PCGF6: variants seen among roughly 807,000 people sequenced by gnomAD.
PCGF6 encodes polycomb group ring finger 6, also known as polycomb group RING finger protein 6.
A neutral mutation model predicts 45.5 loss-of-function variants in PCGF6; 24 were observed. The observed-to-expected ratio is 0.53, with a 90% CI of 0.38 to 0.74. PCGF6 has a LOEUF of 0.74. PCGF6 is among the 30% of genes least tolerant of loss of function. PCGF6 has a pLI of 0.00. For synonymous variants in PCGF6, 152 were observed against 162.1 expected (o/e 0.94, Z 0.47); for missense variants, 356 against 443.2 (o/e 0.80, Z 1.77).
chr10:103,349,737 T>C (rs2093314079), intron 1 of PCGF6, among the ~76,000 whole-genome samples: 1 of 149,572 alleles, frequency 6.7e-6, no homozygotes, highest in African/African-American at 2.4e-5. Flanking sequence ...CCTCCCAAAG[T>C]GCGGGGATTA....
intron 8 of PCGF6, among the ~76,000 whole-genome samples, chr10:103,315,314 T>C (rs117848719): frequency 0.025 from 3,784 of 152,218 alleles, 62 homozygotes; most frequent in Admixed American, 0.044. Flanking sequence ...GCAACCCAAG[T>C]AGCTGGGACT....
intron 8 of PCGF6, among the ~76,000 whole-genome samples, chr10:103,324,420 T>A (rs1449863281): frequency 6.6e-6 from 1 of 151,868 alleles, no homozygotes; most frequent in Admixed American, 6.6e-5. Flanking sequence ...TTTACTTTTA[T>A]GTTCAATGAT....
chr10:103,340,363 T>C (rs980708686), intron 6 of PCGF6, among the ~76,000 whole-genome samples: 1 of 151,878 alleles, frequency 6.6e-6, no homozygotes, highest in African/African-American at 2.4e-5. Context: ...GCATTAATAA[T>C]GTAACAACTT....
intron 6 of PCGF6, among the ~76,000 whole-genome samples, chr10:103,339,113 C>T (rs536002928): frequency 2.6e-5 from 4 of 151,834 alleles, no homozygotes; most frequent in East Asian, 3.9e-4. Context: ...AACATAAATG[C>T]TTTTCTATGT....
chr10:103,305,813 C>T (rs920878142), intron 9 of PCGF6, among the ~76,000 whole-genome samples: 6 of 151,274 alleles, frequency 4.0e-5, no homozygotes, highest in East Asian at 1.9e-4. Context: ...TTTGAGAGTC[C>T]GAGGTGGGCA....
intron 1 of PCGF6, 128 bp from the exon 2 acceptor site, chr10:103,349,127 A>G: frequency 1.4e-6 from 1 of 717,296 alleles, no homozygotes; most frequent in South Asian, 1.9e-5. Flanking sequence ...GGTTCACTGC[A>G]ACCTCCGCCT....
Position 103,345,106 on chromosome 10 carries a change from T to C in PCGF6, c.700A>G (p.Lys234Glu). ...PAVPQPVPSS[K>E]GRSKKVLESV... The stretch of plus-strand genomic sequence containing the variant: ...TCTAGGACTTTTTTAGATCTTCCTT[T>C]GCTTGAAGGGACTGGCTGTGGAACA... Residue 234 changes from lysine to glutamate, a missense_variant, in exon 6 of 10, where the codon AAA (lysine) becomes GAA (glutamate). Lys to Glu is a moderately conservative substitution (Grantham distance 56). Around this residue, in one of 2 missense-constraint regions of PCGF6, gnomAD observed 307 missense variants for 350.1 expected, o/e 0.88. Transcript: ENST00000369847. 2 of 1,612,702 alleles carry C rather than the reference T, an allele frequency of 1.2e-6. No homozygotes were observed. The highest frequency in any genetic ancestry group is 1.7e-6 in the Non-Finnish European group (2 of 1,179,194).
At chr10:103,305,944 C>T (rs1255691926) in intron 9 of PCGF6, among the ~76,000 whole-genome samples, 2 of 151,748 alleles carry the variant, frequency 1.3e-5, no homozygotes, top group Non-Finnish European at 2.9e-5. Context: ...GTAAAGAATG[C>T]CCCAGGGCAG....
At chr10:103,340,198 A>AATATATATAT (rs1191965991) in intron 6 of PCGF6, among the ~76,000 whole-genome samples, 13 of 87,904 alleles carry the variant, frequency 1.5e-4, no homozygotes, top group African/African-American at 5.8e-4. Flanking sequence ...AAAAAAAAAA[A>AATATATATAT]ATATATATAT....
At chr10:103,335,096 C>G (rs2093251906) in intron 6 of PCGF6, among the ~76,000 whole-genome samples, 1 of 152,004 alleles carries the variant, frequency 6.6e-6, no homozygotes, top group Admixed American at 6.6e-5. Context: ...CTTGCTCTAT[C>G]ACCCAGGCAG....
chr10:103,304,329 T>C (rs545593511), intron 9 of PCGF6, among the ~76,000 whole-genome samples: 3 of 152,148 alleles, frequency 2.0e-5, no homozygotes, highest in Admixed American at 6.6e-5. Flanking sequence ...ATCATATGCA[T>C]GTATGTATGT....
intron 3 of PCGF6, chr10:103,348,223 C>T (rs1411663163): frequency 6.6e-6 from 1 of 152,644 alleles, no homozygotes; most frequent in East Asian, 1.9e-4. Context: ...AGGCCTGTGC[C>T]TCTTTTAAGT....
At chr10:103,343,085 C>T (rs1334723550) in intron 6 of PCGF6, among the ~76,000 whole-genome samples, 4 of 152,166 alleles carry the variant, frequency 2.6e-5, no homozygotes, top group South Asian at 4.2e-4. Flanking sequence ...CCTACCACCA[C>T]GACCAGCTAA....
At chr10:103,311,426 G>A (rs1397459953) in intron 9 of PCGF6, among the ~76,000 whole-genome samples, 1 of 151,024 alleles carries the variant, frequency 6.6e-6, no homozygotes, top group African/African-American at 2.4e-5. Flanking sequence ...ACAGGTGTGA[G>A]CCACTGTGCC....
chr10:103,340,221 ATT>A (rs1592074236), intron 6 of PCGF6, among the ~76,000 whole-genome samples: 1 of 137,322 alleles, frequency 7.3e-6, no homozygotes, highest in African/African-American at 2.7e-5. Context: ...ATATATATAT[ATT>A]TTATATACAT....
At chr10:103,339,810 AACACACACACACACACAC>A (rs201660003) in intron 6 of PCGF6, among the ~76,000 whole-genome samples, 12 of 32,240 alleles carry the variant, frequency 3.7e-4, no homozygotes, top group African/African-American at 8.4e-4. Flanking sequence ...TCAAAAAAAA[AACACACACACACACACAC>A]ACACACACAC....
chr10:103,329,841 C>T (rs1048598587), intron 7 of PCGF6, among the ~76,000 whole-genome samples: 6 of 151,132 alleles, frequency 4.0e-5, no homozygotes, highest in Admixed American at 6.6e-5. Flanking sequence ...TGCAGTGGCA[C>T]GATCTTGGCT....
At chr10:103,305,993 C>T (rs1300379457) in intron 9 of PCGF6, among the ~76,000 whole-genome samples, 1 of 152,028 alleles carries the variant, frequency 6.6e-6, no homozygotes, top group African/African-American at 2.4e-5. Context: ...ATTCCAGATG[C>T]TATGTGTCCA....
At chr10:103,330,084 G>T (rs1300559833) in intron 7 of PCGF6, among the ~76,000 whole-genome samples, 1 of 145,330 alleles carries the variant, frequency 6.9e-6, no homozygotes, top group Non-Finnish European at 1.5e-5. Flanking sequence ...TTGTTTGTTT[G>T]TTTTTTTTTT....
Sources: gnomAD v4.1 joint callset for allele counts (sites outside exome capture counted in the v4.1 genomes callset) on GRCh38, gnomAD v4.1.1 for gene constraint, gnomAD v4.1.1 regional missense constraint, MANE v1.5 for transcripts, NCBI Gene and HGNC (gene_info 2026-07-23, HGNC 2026-07-21) for gene names.